Variants in MYOG observed in about 807,000 individuals in gnomAD.
MYOG encodes the protein myogenin.
A neutral mutation model predicts 17.7 loss-of-function variants in MYOG; 6 were observed. The observed-to-expected ratio is 0.34, with a 90% CI of 0.19 to 0.67. MYOG has a LOEUF of 0.67. Ranked by LOEUF, MYOG falls within the 30% of genes least tolerant of loss-of-function variation. The pLI is 0.69. For synonymous variants in MYOG, 125 were observed against 130.2 expected (o/e 0.96, Z 0.27); for missense variants, 272 against 302.0 (o/e 0.90, Z 0.74).
rs71142588 is a variant in MYOG, at chr1:203,083,183, C to CAAAAAAAA, written c.*719_*726dup. 34 of 99,286 alleles carry CAAAAAAAA rather than the reference C, an allele frequency of 3.4e-4. No homozygotes were observed. Among genetic ancestry groups the CAAAAAAAA allele is most frequent in the Non-Finnish European group, 5.2e-4 (25 of 48,464 alleles). 6.2% of individuals were successfully genotyped at this position (99,286 alleles called of 1,614,324 possible). A position where few individuals can be genotyped will look rare whatever the true frequency, so the allele number is the denominator to read the frequency against. On this transcript the variant is annotated 3_prime_UTR_variant, in exon 3 of 3. Coordinates refer to ENST00000241651, the MANE Select transcript of MYOG (RefSeq NM_002479.6). ...AAAAAAGGAAATCCAAATAAGTTAGCAAAAAAAAAAAAAAAAAAAAAAAAT... is the reference window on the plus strand; with the variant it reads ...AAAAAAGGAAATCCAAATAAGTTAGCAAAAAAAAAAAAAAAAAAAAAAAAAAAAAAAAT...
rs1161659597 is a variant in MYOG at position 203,085,876 on chromosome 1, C to A, written c.86G>T (p.Gly29Val). The change falls in exon 1 of 3, where the codon GGC (glycine) becomes GTC (valine). Residue 29 changes from glycine to valine, a missense_variant. Transcript: ENST00000241651. ...GENYLPVHLQ[G>V]FEPPGYERTE... The stretch of plus-strand genomic sequence containing the variant: ...CCGCTCGTAGCCTGGTGGTTCGAAG[C>A]CCTGGAGGTGGACAGGCAGGTAGTT... 6.2e-7 allele frequency: 1 copy of A among 1,613,616 alleles called. No individual in the cohort carries two copies. The highest frequency in any genetic ancestry group is 2.2e-5 in the East Asian group (1 of 44,874).
rs1316651587 is a variant in MYOG, at chr1:203,083,550, C to G, written c.*360G>C. The G allele has an allele frequency of 5.9e-6, 3 of 512,344 alleles. No individual in the cohort carries two copies. Among genetic ancestry groups the G allele is most frequent in the African/African-American group, 5.6e-5 (3 of 53,118 alleles). The allele number at this position is 512,344 out of a possible 1,614,324, so 31.7% of individuals were successfully genotyped here. A position where few individuals can be genotyped will look rare whatever the true frequency, so the allele number is the denominator to read the frequency against. On this transcript the variant is annotated 3_prime_UTR_variant, in exon 3 of 3. Coordinates refer to ENST00000241651, the MANE Select transcript of MYOG (RefSeq NM_002479.6). ...GCTTGTCCAGGTCAGGGCACTGCGT[C>G]TCTCAAACCGTTTCACTTGGGGGGT...
In MYOG at chr1:203,083,654, C is replaced by G; in HGVS notation, c.*256G>C. ...GCTGGGGCATACACGAGGGGGCGCT[C>G]TGGTCCCCTGCTTTACCTCCCTGGA... On this transcript the variant is annotated 3_prime_UTR_variant, in exon 3 of 3. Coordinates refer to ENST00000241651, the MANE Select transcript of MYOG (RefSeq NM_002479.6). 3.4e-6 allele frequency: 2 copies of G among 589,192 alleles called. No individual in the cohort carries two copies. Among genetic ancestry groups the G allele is most frequent in the Non-Finnish European group, 6.0e-6 (2 of 334,922 alleles). 36.5% of individuals were successfully genotyped at this position (589,192 alleles called of 1,614,324 possible).
Position 203,083,709 on chromosome 1 carries a change from G to C in MYOG, c.*201C>G. ...GGATGCCCTCTCCTCTAAGGAGGCA[G>C]CTGAATGAGGGCGTCCAGTCCCTTG... On this transcript the variant is annotated 3_prime_UTR_variant, in exon 3 of 3. Transcript: ENST00000241651. 1 of 748,214 alleles carries C rather than the reference G, an allele frequency of 1.3e-6. No individual in the cohort carries two copies. The highest frequency in any genetic ancestry group is 2.7e-5 in the East Asian group (1 of 36,994). The allele number at this position is 748,214 out of a possible 1,614,324, so 46.3% of individuals were successfully genotyped here.
At position 203,085,717 on chromosome 1, in the gene MYOG, C is replaced by G; in HGVS notation, c.245G>C (p.Arg82Pro). ...VCKRKSVSVDRRRAATLREKR... is the reference protein window; with the variant it reads ...VCKRKSVSVDPRRAATLREKR... ...CTCCCTCAGTGTGGCCGCCCGCCGCCGGTCCACGGACACCGACTTCCTCTT... is the reference window on the plus strand; with the variant it reads ...CTCCCTCAGTGTGGCCGCCCGCCGCGGGTCCACGGACACCGACTTCCTCTT... Residue 82 changes from arginine to proline, a missense_variant, in exon 1 of 3, where the codon CGG becomes CCG. Physicochemically the swap from Arg to Pro is moderately radical, Grantham distance 103. Transcript: ENST00000241651. 6.2e-7 allele frequency: 1 copy of G among 1,614,134 alleles called. No individual in the cohort carries two copies. The highest frequency in any genetic ancestry group is 2.2e-5 in the East Asian group (1 of 44,860).
At position 203,085,738 on chromosome 1, in the gene MYOG, C is replaced by G. The variant is rs1313136112; in HGVS notation, c.224G>C (p.Arg75Thr). 4 of 1,614,038 alleles carry G rather than the reference C, an allele frequency of 2.5e-6. No homozygotes were observed. The highest frequency in any genetic ancestry group is 3.4e-6 in the Non-Finnish European group (4 of 1,180,018). ...CCGCCGGTCCACGGACACCGACTTC[C>G]TCTTACACACCTTACACGCCCACGG... is the stretch of plus-strand genomic sequence containing the variant. ...CLPWACKVCK[R>T]KSVSVDRRRA... The change falls in exon 1 of 3, where the codon AGG becomes ACG. Residue 75 changes from arginine to threonine, a missense_variant. Arg to Thr is a moderately conservative substitution (Grantham distance 71, BLOSUM62 -1). Transcript: ENST00000241651.
chr1:203,085,921 G>A lies in MYOG; in HGVS notation c.41C>T (p.Pro14Leu), dbSNP rs751749204. Residue 14 changes from proline (P) to leucine (L), a missense_variant, in exon 1 of 3, where the codon CCC becomes CTC. Coordinates refer to ENST00000241651, the MANE Select transcript of MYOG (RefSeq NM_002479.6). Reference protein sequence around the residue: ...YETSPYFYQEPRFYDGENYLP... With the variant: ...YETSPYFYQELRFYDGENYLP... The stretch of plus-strand genomic sequence containing the variant: ...GTAGTTTTCCCCATCATAGAAGCGG[G>A]GTTCCTGGTAGAAGTAGGGGGATGT... 2.5e-6 allele frequency: 4 copies of A among 1,604,784 alleles called. No homozygotes were observed. The highest frequency in any genetic ancestry group is 3.4e-6 in the Non-Finnish European group (4 of 1,176,238).
In MYOG at chr1:203,085,818, C is replaced by A. The variant is rs372945525; in HGVS notation, c.144G>T (p.Gly48=). The change falls in exon 1 of 3, where the codon GGG becomes GGT. Residue 48 remains glycine, a synonymous_variant. Transcript: ENST00000241651. ...TELTLSPEAP[G]PLEDKGLGTP... is the part of the protein sequence containing the mutation. ...TCCCCAGCCCCTTGTCCTCAAGGGG[C>A]CCTGGGGCCTCGGGGCTCAGGGTGA... 9 of 1,613,960 alleles carry A rather than the reference C, an allele frequency of 5.6e-6. No individual in the cohort carries two copies. In the Admixed American group the frequency reaches 1.0e-4, roughly 18 times the overall value.
In MYOG at chr1:203,084,662, T is replaced by A; in HGVS notation, c.538A>T (p.Ser180Cys). Reference sequence around the variant, plus strand: ...CCTTACTTACCCCCTGGGTTGGCGCTGAACTCCAGTGCACTGCCCCACTCT... The same window carrying A: ...CCTTACTTACCCCCTGGGTTGGCGCAGAACTCCAGTGCACTGCCCCACTCT... ...SPEWGSALEF[S>C]ANPGDHLLTA... is the part of the protein sequence containing the mutation. The change falls in exon 2 of 3, where the codon AGC becomes TGC. Residue 180 changes from serine (S) to cysteine (C), a missense_variant. Ser to Cys is a moderately radical substitution (Grantham distance 112). Coordinates refer to ENST00000241651, the MANE Select transcript of MYOG (RefSeq NM_002479.6). 6.2e-7 allele frequency: 1 copy of A among 1,610,750 alleles called. No individual in the cohort carries two copies.
At position 203,085,620 on chromosome 1, in the gene MYOG, C is replaced by T; in HGVS notation, c.342G>A (p.Gln114=). The T allele has an allele frequency of 6.2e-7, 1 of 1,614,206 alleles. No individual in the cohort carries two copies. The highest frequency in any genetic ancestry group is 8.5e-7 in the Non-Finnish European group (1 of 1,179,996). The part of the protein sequence containing the change: ...LKRSTLLNPN[Q]RLPKVEILRS... ...GCAGGATCTCCACCTTGGGCAGCCG[C>T]TGGTTGGGGTTGAGCAGGGTGCTTC... The change falls in exon 1 of 3, where the codon CAG becomes CAA. Residue 114 remains glutamine, a synonymous_variant. Transcript: ENST00000241651.
chr1:203,084,046 G>T lies in MYOG; in HGVS notation c.554-15C>A. The T allele has an allele frequency of 6.3e-7, 1 of 1,592,998 alleles. No individual in the cohort carries two copies. Among genetic ancestry groups the T allele is most frequent in the East Asian group, 2.3e-5 (1 of 44,290 alleles). On this transcript the variant is annotated splice_polypyrimidine_tract_variant and intron_variant, in intron 2 of 2. Transcript: ENST00000241651. The stretch of plus-strand genomic sequence containing the variant: ...GAGCAGATGATCTGTAAGGGGAGGT[G>T]GGAAGGTGGTACCTGGGTGAGCAGT...
At chr1:203,085,257 ACCCCAACC>A (rs1653589596) in intron 1 of MYOG, among the ~76,000 whole-genome samples, 1 of 151,704 alleles carries the variant, frequency 6.6e-6, no homozygotes, top group Non-Finnish European at 1.5e-5. Flanking sequence ...TATGTTCCCC[ACCCCAACC>A]CCTTCTGCAC....
intron 2 of MYOG, among the ~76,000 whole-genome samples, 164 bp from the exon 3 acceptor site, chr1:203,084,195 A>AGTGTGTGTGTGTGTGTGTGT (rs3835486): frequency 0.039 from 5,293 of 135,384 alleles, 253 homozygotes; most frequent in Non-Finnish European, 0.05. Flanking sequence ...ATGCTCTGTG[A>AGTGTGTGTGTGTGTGTGTGT]GTGTGTGTGT....
intron 1 of MYOG, 152 bp downstream of exon 1, chr1:203,085,339 C>T: frequency 1.4e-6 from 1 of 703,030 alleles, no homozygotes; most frequent in South Asian, 1.9e-5. Context: ...AGCTGGATAG[C>T]CCAGCTCTGA....
intron 1 of MYOG, among the ~76,000 whole-genome samples, chr1:203,085,039 C>T (rs893176071): frequency 2.6e-5 from 4 of 152,306 alleles, no homozygotes; most frequent in Admixed American, 2.0e-4. Context: ...GATTTTGTGG[C>T]CCAGTGAAGG....
chr1:203,084,659 C>T lies in MYOG; in HGVS notation c.541G>A (p.Ala181Thr), dbSNP rs138360992. The change falls in exon 2 of 3, where the codon GCC becomes ACC. Residue 181 changes from alanine (A) to threonine (T), a missense_variant. By Grantham distance (58) the Ala-to-Thr change is moderately conservative. Coordinates refer to ENST00000241651, the MANE Select transcript of MYOG (RefSeq NM_002479.6). The stretch of plus-strand genomic sequence containing the variant: ...AGGCCTTACTTACCCCCTGGGTTGG[C>T]GCTGAACTCCAGTGCACTGCCCCAC... ...PEWGSALEFS[A>T]NPGDHLLTAD... 0.011 allele frequency: 18,114 copies of T among 1,610,290 alleles called. 132 individuals carry two copies. Among genetic ancestry groups the T allele is most frequent in the Non-Finnish European group, 0.014 (16,307 of 1,178,216 alleles).
intron 1 of MYOG, 66 bp downstream of exon 1, chr1:203,085,425 G>T: frequency 7.0e-7 from 1 of 1,432,284 alleles, no homozygotes; most frequent in East Asian, 2.4e-5. Context: ...TTGGGGTCTT[G>T]AGGCTGTCCA....
intron 1 of MYOG, 52 bp from the exon 2 acceptor site, chr1:203,084,780 C>A: frequency 6.6e-7 from 1 of 1,522,412 alleles, no homozygotes; most frequent in Non-Finnish European, 8.9e-7. Flanking sequence ...TCTTTGATGT[C>A]TCTCTCTGCC....
In MYOG at chr1:203,085,574, C is replaced by G. The variant is rs777590826; in HGVS notation, c.388G>C (p.Glu130Gln). 1.2e-6 allele frequency: 2 copies of G among 1,614,032 alleles called. No homozygotes were observed. The highest frequency in any genetic ancestry group is 3.3e-5 in the Admixed American group (2 of 60,008). The stretch of plus-strand genomic sequence containing the variant: ...GAGCTGAGCAGGGCCTGGAGGCGCT[C>G]GATGTACTGGATGGCACTGCGCAGG... ...EILRSAIQYIERLQALLSSLN... is the reference protein window; with the variant it reads ...EILRSAIQYIQRLQALLSSLN... Residue 130 changes from glutamate (E) to glutamine (Q), a missense_variant, in exon 1 of 3, where the codon GAG becomes CAG. Glu to Gln is a conservative substitution (Grantham distance 29). Coordinates refer to ENST00000241651, the MANE Select transcript of MYOG (RefSeq NM_002479.6).
Sources: allele counts gnomAD v4.1 joint callset (sites outside exome capture counted in the v4.1 genomes callset), GRCh38; gene constraint gnomAD v4.1.1; transcripts MANE v1.5; gene names NCBI Gene and HGNC (gene_info 2026-07-23, HGNC 2026-07-21).